DDO: variants seen among roughly 807,000 people sequenced by gnomAD.
DDO encodes D-aspartate oxidase, also known as D-aspartate oxidase, DDO.
DDO carries 16 observed loss-of-function variants against 16.8 expected under a neutral mutation model. That is an observed-to-expected ratio of 0.95 (90% CI 0.65 to 1.45). The LOEUF (loss-of-function observed/expected upper bound fraction) is 1.45. Ranked by LOEUF, DDO falls within the 40% of genes most tolerant of loss-of-function variation. The pLI is 0.00. For missense variants in DDO, 429 were observed against 420.3 expected, an observed-to-expected ratio of 1.02 and a Z score of -0.18; for synonymous variants, 180 against 167.2, an observed-to-expected ratio of 1.08 and a Z score of -0.59.
intron 4 of DDO, among the ~76,000 whole-genome samples, chr6:110,398,611 T>TC (rs1773372724): frequency 6.6e-6 from 1 of 152,080 alleles, no homozygotes; most frequent in African/African-American, 2.4e-5. Context: ...AAAGACGAGC[T>TC]CCTGGTGAGC....
At chr6:110,408,893 A>G (rs941061179) in intron 2 of DDO, among the ~76,000 whole-genome samples, 1 of 152,248 alleles carries the variant, frequency 6.6e-6, no homozygotes, top group Non-Finnish European at 1.5e-5. Flanking sequence ...AGTGGATGAC[A>G]TGGGCAGGTC....
At chr6:110,394,543 C>T (rs948106317) in intron 4 of DDO, among the ~76,000 whole-genome samples, 23 of 152,148 alleles carry the variant, frequency 1.5e-4, no homozygotes, top group African/African-American at 4.6e-4. Context: ...AGACGCAGGC[C>T]GAATGCTTGC....
intron 4 of DDO, among the ~76,000 whole-genome samples, chr6:110,397,563 G>T (rs1054197085): frequency 6.6e-6 from 1 of 152,222 alleles, no homozygotes; most frequent in Non-Finnish European, 1.5e-5. Context: ...CACTGAAATT[G>T]TTTCCTAGGG....
intron 4 of DDO, among the ~76,000 whole-genome samples, chr6:110,400,697 A>G (rs899542905): frequency 3.9e-5 from 6 of 152,380 alleles, no homozygotes; most frequent in Admixed American, 1.3e-4. Context: ...CTTTAGAGCC[A>G]ATGCTTCAAT....
Position 110,413,339 on chromosome 6 carries a change from TATCTGGAGTA to T in DDO, c.114_123del (p.Phe38LeufsTer79), listed in dbSNP as rs1189803714. ...ATTCCGGCTGCCACATCACTGGTGG[TATCTGGAGTA>T]AACTTGTCTGAAATGATGGTAACGG... On this transcript the variant is annotated frameshift_variant, in exon 2 of 5. Coordinates refer to ENST00000368924, the MANE Select transcript of DDO (RefSeq NM_001372108.2). LOFTEE classifies it high-confidence loss of function. 6.2e-7 allele frequency: 1 copy of T among 1,614,130 alleles called. No homozygotes were observed. The highest frequency in any genetic ancestry group is 1.1e-5 in the South Asian group (1 of 91,080).
chr6:110,389,912 G>T (rs953284870), downstream of DDO, among the ~76,000 whole-genome samples: 1 of 152,190 alleles, frequency 6.6e-6, no homozygotes, highest in Non-Finnish European at 1.5e-5. Flanking sequence ...GGTTTCCTGG[G>T]CAGGTTGCTG....
chr6:110,401,910 A>G (rs1220224176), intron 4 of DDO, among the ~76,000 whole-genome samples: 1 of 152,254 alleles, frequency 6.6e-6, no homozygotes, highest in East Asian at 1.9e-4. Flanking sequence ...CTAGGTGATG[A>G]AAGTTAACAG....
chr6:110,408,242 A>G (rs1478628580), intron 3 of DDO, 92 bp downstream of exon 3: 12 of 1,225,454 alleles, frequency 9.8e-6, no homozygotes, highest in Admixed American at 9.4e-5. Flanking sequence ...CACTCTGCTC[A>G]CAACAGCTAC....
Position 110,408,334 on chromosome 6 carries a change from C to T in DDO, c.281G>A (p.Gly94Asp), listed in dbSNP as rs757805444. 1.2e-6 allele frequency: 2 copies of T among 1,613,464 alleles called. No individual in the cohort carries two copies. Among genetic ancestry groups the T allele is most frequent in the African/African-American group, 1.3e-5 (1 of 74,866 alleles). The change falls in exon 3 of 5, where the codon GGT becomes GAT. Residue 94 changes from glycine (G) to aspartate (D), a missense_variant and splice_region_variant. Transcript: ENST00000368924. ...AATAACTTCAAATTTCTTCACTTAC[C>T]CTGATACCAAATGAACACCAGCATC... ...AGDAGVHLVSGWQIFQSTPTE... is the reference protein window; with the variant it reads ...AGDAGVHLVSDWQIFQSTPTE...
downstream of DDO, chr6:110,388,712 C>T (rs1008050520): frequency 1.5e-5 from 12 of 797,000 alleles, no homozygotes; most frequent in African/African-American, 1.9e-5. Context: ...AAAGCAGCCT[C>T]GTTCCTCTGG....
At chr6:110,400,101 C>T (rs1773429091) in intron 4 of DDO, among the ~76,000 whole-genome samples, 1 of 152,208 alleles carries the variant, frequency 6.6e-6, no homozygotes, top group African/African-American at 2.4e-5. Flanking sequence ...GACCGCAGGC[C>T]CGCAGCCCAG....
chr6:110,393,236 G>A lies in DDO; in HGVS notation c.565C>T (p.Gln189Ter), dbSNP rs17622. 23 of 1,614,070 alleles carry A rather than the reference G, an allele frequency of 1.4e-5. No individual in the cohort carries two copies. Among genetic ancestry groups the A allele is most frequent in the Non-Finnish European group, 1.9e-5 (22 of 1,180,050 alleles). The change falls in exon 5 of 5, where the codon CAG becomes TAG. Residue 189 changes from glutamine (Q) to a stop codon, truncating the protein, a stop_gained. Transcript: ENST00000368924. LOFTEE classifies it low-confidence loss of function (END_TRUNC). ...VVNCSGLGSR[Q>*]LAGDSKIFPV... ...AAAATCTTTGAGTCTCCTGCAAGCTGTCTGCTTCCAAGGCCTGAACAGTTG... is the reference window on the plus strand; with the variant it reads ...AAAATCTTTGAGTCTCCTGCAAGCTATCTGCTTCCAAGGCCTGAACAGTTG...
intron 2 of DDO, among the ~76,000 whole-genome samples, chr6:110,409,471 C>T (rs914407087): frequency 1.3e-5 from 2 of 152,146 alleles, no homozygotes; most frequent in Non-Finnish European, 2.9e-5. Context: ...GGAGAGGTGT[C>T]CCTGAAATTC....
At chr6:110,405,837 G>A (rs1482676250) in intron 3 of DDO, among the ~76,000 whole-genome samples, 10 of 152,044 alleles carry the variant, frequency 6.6e-5, no homozygotes, top group East Asian at 3.9e-4. Context: ...CAGGGAGGTC[G>A]AGGCTGCAGT....
chr6:110,412,351 G>A (rs140632559), intron 2 of DDO, among the ~76,000 whole-genome samples: 13 of 152,164 alleles, frequency 8.5e-5, no homozygotes, highest in Non-Finnish European at 1.3e-4. Flanking sequence ...TCTTATACAG[G>A]CTTAGAAGTT....
At chr6:110,411,316 A>G (rs541430092) in intron 2 of DDO, among the ~76,000 whole-genome samples, 2 of 152,332 alleles carry the variant, frequency 1.3e-5, no homozygotes, top group African/African-American at 4.8e-5. Context: ...ATCAGCAGAC[A>G]GGTAAAGAAT....
chr6:110,389,063 T>C (rs1773059600), downstream of DDO, among the ~76,000 whole-genome samples: 1 of 152,202 alleles, frequency 6.6e-6, no homozygotes. Context: ...GAGATAAGCA[T>C]TTGAATCAGT....
At position 110,399,745 on chromosome 6, in the gene DDO, G is replaced by C. The variant is rs1187552020; in HGVS notation, c.458+5029C>G. ...GCTGTCTGTGGAGGCCCCACACCGG[G>C]GTCAGGAGGGAGCCAGGTCTCAGGA... On this transcript the variant is annotated intron_variant, in intron 4 of 4. Transcript: ENST00000368924. Among the ~76,000 whole-genome samples the C allele has an allele frequency of 2.0e-5, 3 of 152,348 alleles. No individual in the cohort carries two copies. In the East Asian group the frequency reaches 5.8e-4, roughly 29 times the overall value.
intron 2 of DDO, among the ~76,000 whole-genome samples, chr6:110,409,362 C>G (rs567350036): frequency 1.3e-5 from 2 of 152,134 alleles, no homozygotes; most frequent in Non-Finnish European, 2.9e-5. Context: ...AGGGTTAGGC[C>G]AGGGACCAGG....
Sources: allele counts gnomAD v4.1 joint callset (sites outside exome capture counted in the v4.1 genomes callset), GRCh38; gene constraint gnomAD v4.1.1; transcripts MANE v1.5; gene names NCBI Gene and HGNC (gene_info 2026-07-23, HGNC 2026-07-21).